The following TENM3 variants were observed in gnomAD, a reference collection of about 807,000 sequenced individuals.
The protein encoded by TENM3 is teneurin-3.
In TENM3, 63 loss-of-function variants were observed where a neutral mutation model predicts 255.1. That is an observed-to-expected ratio of 0.25 (90% CI 0.20 to 0.30). The LOEUF (loss-of-function observed/expected upper bound fraction) is 0.30. TENM3 is among the 10% of genes least tolerant of loss of function. The probability of loss-of-function intolerance (pLI) is 1.00; values close to 1 mark genes in which losing one functional copy is unlikely to be tolerated. For missense variants in TENM3, 2,929 were observed against 3,461.1 expected (o/e 0.85, Z 3.86); for synonymous variants, 1,306 against 1,322.3 (o/e 0.99, Z 0.27).
At chr4:181,609,999 T>A in the TENM3 span, among the ~76,000 whole-genome samples, 1 of 152,220 alleles carries the variant, frequency 6.6e-6, no homozygotes, top group Admixed American at 6.5e-5. Context: ...TTTATTGCTT[T>A]AATTTCCTGT....
the TENM3 span, among the ~76,000 whole-genome samples, chr4:182,016,445 A>G: frequency 6.6e-6 from 1 of 152,132 alleles, no homozygotes. Flanking sequence ...AGGTTTTGCA[A>G]CTGCTTTGAA....
the TENM3 span, among the ~76,000 whole-genome samples, chr4:181,925,121 A>G: frequency 1.3e-5 from 2 of 152,226 alleles, no homozygotes; most frequent in African/African-American, 2.4e-5. Flanking sequence ...AGAGATAGTG[A>G]CATAATTATA....
the TENM3 span, among the ~76,000 whole-genome samples, chr4:181,810,794 A>G: frequency 6.6e-6 from 1 of 152,112 alleles, no homozygotes; most frequent in Non-Finnish European, 1.5e-5. Context: ...GTCTTGGACT[A>G]AATGAACGGT....
the TENM3 span, among the ~76,000 whole-genome samples, chr4:181,663,024 A>G: frequency 0.61 from 92,273 of 151,968 alleles, 28,366 homozygotes; most frequent in Non-Finnish European, 0.66. Context: ...TTGGCCAGAA[A>G]GGTTTCAAGA....
the TENM3 span, among the ~76,000 whole-genome samples, chr4:181,524,029 C>A: frequency 6.6e-6 from 1 of 152,136 alleles, no homozygotes; most frequent in African/African-American, 2.4e-5. Flanking sequence ...CAGAATTCTA[C>A]GTGGCTCGCT....
In TENM3 at chr4:182,763,663, C is replaced by CAGTT. The variant is rs1486556475; in HGVS notation, c.4892+8407_4892+8410dup. On this transcript the variant is annotated intron_variant, in intron 22 of 27. Transcript: ENST00000511685. Reference sequence around the variant, plus strand: ...AGAGGATGATGTTTTTAAGCTAGGTCAGTTAGCGTTATAGTAATAAAAGAA... The same window carrying CAGTT: ...AGAGGATGATGTTTTTAAGCTAGGTCAGTTAGTTAGCGTTATAGTAATAAAAGAA... Among the ~76,000 whole-genome samples, 7 of 152,200 alleles carry CAGTT rather than the reference C, an allele frequency of 4.6e-5. No homozygotes were observed. In the East Asian group the frequency reaches 1.2e-3, roughly 25 times the overall value.
At chr4:182,356,963 C>T (rs1053695979) in intron 3 of TENM3, among the ~76,000 whole-genome samples, 2 of 148,542 alleles carry the variant, frequency 1.3e-5, no homozygotes, top group Non-Finnish European at 3.0e-5. Context: ...TGAGAATATG[C>T]GGTGTTTGGT....
At chr4:181,632,019 T>C in the TENM3 span, among the ~76,000 whole-genome samples, 1 of 152,158 alleles carries the variant, frequency 6.6e-6, no homozygotes, top group Non-Finnish European at 1.5e-5. Context: ...ACTACACAAA[T>C]CCAGGTTGTT....
In TENM3 at chr4:182,775,076, G is replaced by A. The variant is rs368953698; in HGVS notation, c.5227G>A (p.Gly1743Ser). ...KRNMTLPGEN[G>S]QNLVEWRFRK... ...AAACATGACTTTGCCTGGCGAGAAC[G>A]GTCAAAACTTGGTGGAATGGAGATT... Residue 1743 changes from glycine (G) to serine (S), a missense_variant, in exon 24 of 28, where the codon GGT becomes AGT. Physicochemically the swap from Gly to Ser is moderately conservative, Grantham distance 56. Transcript: ENST00000511685. 16 of 1,613,864 alleles carry A rather than the reference G, an allele frequency of 9.9e-6. No homozygotes were observed. Among genetic ancestry groups the A allele is most frequent in the African/African-American group, 2.7e-5 (2 of 74,924 alleles).
At chr4:182,464,967 A>C (rs1239880804) in intron 3 of TENM3, among the ~76,000 whole-genome samples, 1 of 152,114 alleles carries the variant, frequency 6.6e-6, no homozygotes, top group Non-Finnish European at 1.5e-5. Context: ...TTTACTGCTG[A>C]ATTAACCAGG....
the TENM3 span, among the ~76,000 whole-genome samples, chr4:181,740,287 T>C: frequency 6.6e-6 from 1 of 152,220 alleles, no homozygotes; most frequent in Non-Finnish European, 1.5e-5. Context: ...ATGACAGATA[T>C]TTTTGATATC....
At chr4:182,534,172 C>T (rs1431340375) in intron 3 of TENM3, among the ~76,000 whole-genome samples, 2 of 152,134 alleles carry the variant, frequency 1.3e-5, no homozygotes, top group Non-Finnish European at 2.9e-5. Context: ...AATACCATTG[C>T]AGCTGTAAAC....
At chr4:182,057,412 T>TC in the TENM3 span, among the ~76,000 whole-genome samples, 3,553 of 149,312 alleles carry the variant, frequency 0.024, 132 homozygotes, top group African/African-American at 0.084. Flanking sequence ...TCTTTTCTTT[T>TC]TTTTTTTTTT....
chr4:182,524,779 G>A (rs954896418), intron 3 of TENM3, among the ~76,000 whole-genome samples: 1 of 148,974 alleles, frequency 6.7e-6, no homozygotes, highest in African/African-American at 2.5e-5. Flanking sequence ...AACTTTGGGA[G>A]GCCAAAGTGG....
intron 3 of TENM3, among the ~76,000 whole-genome samples, chr4:182,517,031 G>A (rs62337231): frequency 0.076 from 11,539 of 152,012 alleles, 499 homozygotes; most frequent in East Asian, 0.11. Context: ...GAATTTCAAG[G>A]CAGGTAATTC....
At chr4:182,738,849 A>C (rs952213074) in intron 18 of TENM3, among the ~76,000 whole-genome samples, 6 of 150,966 alleles carry the variant, frequency 4.0e-5, no homozygotes, top group Non-Finnish European at 7.4e-5. Context: ...GGGAGTCGTC[A>C]GCACAGATTC....
the TENM3 span, among the ~76,000 whole-genome samples, chr4:182,047,713 C>T: frequency 6.6e-6 from 1 of 152,030 alleles, no homozygotes; most frequent in Non-Finnish European, 1.5e-5. Flanking sequence ...ACTCAGAATT[C>T]TCTGACCTTG....
the TENM3 span, among the ~76,000 whole-genome samples, chr4:181,775,326 T>C: frequency 2.0e-5 from 3 of 152,200 alleles, no homozygotes; most frequent in Admixed American, 6.5e-5. Flanking sequence ...TTGTTATTTC[T>C]GTGTTTGATT....
At chr4:182,514,105 G>A (rs1737693172) in intron 3 of TENM3, among the ~76,000 whole-genome samples, 1 of 152,194 alleles carries the variant, frequency 6.6e-6, no homozygotes, top group African/African-American at 2.4e-5. Context: ...GGAACCGTGA[G>A]TAACAAGCTG....
Sources: gnomAD v4.1 joint callset for allele counts (sites outside exome capture counted in the v4.1 genomes callset) on GRCh38, gnomAD v4.1.1 for gene constraint, MANE v1.5 for transcripts, NCBI Gene and HGNC (gene_info 2026-07-23, HGNC 2026-07-21) for gene names.